CMIP: variants seen among roughly 807,000 people sequenced by gnomAD.
CMIP encodes C-Maf-inducing protein.
CMIP carries 13 observed loss-of-function variants against 97.3 expected under a neutral mutation model. The ratio of observed to expected loss-of-function variants is 0.13; its 90% confidence interval spans 0.09 to 0.21. CMIP has a LOEUF of 0.21. Among genes scored for constraint, CMIP ranks in the 10% least tolerant of loss-of-function variants. The probability of loss-of-function intolerance (pLI) is 1.00; values close to 1 mark genes in which losing one functional copy is unlikely to be tolerated. For synonymous variants in CMIP, 538 were observed against 436.3 expected, an observed-to-expected ratio of 1.23 and a Z score of -2.91; for missense variants, 847 against 1,024.9, an observed-to-expected ratio of 0.83 and a Z score of 2.37.
chr16:81,459,407 G>A (rs765248917), intron 1 of CMIP, among the ~76,000 whole-genome samples: 63 of 152,162 alleles, frequency 4.1e-4, no homozygotes, highest in Non-Finnish European at 6.0e-4. Context: ...ACCTCGCTCC[G>A]TGACCTCAGG....
At chr16:81,610,257 G>A in intron 2 of CMIP, 1 of 959,174 alleles carries the variant, frequency 1.0e-6, no homozygotes, top group Non-Finnish European at 1.2e-6. Context: ...CAGCTGTGAT[G>A]ACTCGCCTGG....
At chr16:81,446,214 C>G (rs1905832532) in intron 1 of CMIP, among the ~76,000 whole-genome samples, 3 of 151,946 alleles carry the variant, frequency 2.0e-5, no homozygotes. Context: ...CTAGAAGCTG[C>G]TTGGTGGAGC....
chr16:81,496,907 C>A (rs1365655372), intron 1 of CMIP, among the ~76,000 whole-genome samples: 2 of 152,280 alleles, frequency 1.3e-5, no homozygotes, highest in Non-Finnish European at 2.9e-5. Context: ...GTGCCCGGGA[C>A]ACCCACCCAC....
At chr16:81,575,560 C>T (rs751980776) in intron 1 of CMIP, among the ~76,000 whole-genome samples, 11 of 152,210 alleles carry the variant, frequency 7.2e-5, no homozygotes, top group Non-Finnish European at 1.5e-4. Context: ...AGAGTAAACA[C>T]AAGGGCCCTG....
At chr16:81,646,248 G>GTGGATGGATGGATGGA (rs142200346) in intron 3 of CMIP, among the ~76,000 whole-genome samples, 7 of 85,916 alleles carry the variant, frequency 8.1e-5, no homozygotes, top group Non-Finnish European at 1.3e-4. Flanking sequence ...GGGCGGGTGG[G>GTGGATGGATGGATGGA]TGGATGGATG....
At chr16:81,650,260 T>C (rs2092412236) in intron 3 of CMIP, among the ~76,000 whole-genome samples, 1 of 152,178 alleles carries the variant, frequency 6.6e-6, no homozygotes, top group African/African-American at 2.4e-5. Flanking sequence ...CCCTGGGGAA[T>C]GCTGGGCTGC....
intron 1 of CMIP, among the ~76,000 whole-genome samples, chr16:81,539,926 T>C (rs2090417391): frequency 1.3e-5 from 2 of 152,212 alleles, no homozygotes; most frequent in African/African-American, 4.8e-5. Flanking sequence ...ACGTGCTCCG[T>C]GTGTACAACT....
chr16:81,610,779 G>A (rs977524299), intron 2 of CMIP, among the ~76,000 whole-genome samples: 10 of 152,168 alleles, frequency 6.6e-5, no homozygotes, highest in Non-Finnish European at 1.3e-4. Flanking sequence ...TGGTACTCAG[G>A]GCTTTCTTCA....
chr16:81,446,967 G>A (rs1232737337), intron 1 of CMIP, among the ~76,000 whole-genome samples: 1 of 151,950 alleles, frequency 6.6e-6, no homozygotes, highest in Non-Finnish European at 1.5e-5. Context: ...TATCTGCAAA[G>A]ACTCCTTTTT....
chr16:81,500,369 C>CCT (rs2089583874), intron 1 of CMIP, among the ~76,000 whole-genome samples: 1 of 120,186 alleles, frequency 8.3e-6, no homozygotes, highest in Non-Finnish European at 1.8e-5. Context: ...CTCCCTTCCT[C>CCT]TCTCCTTTCC....
At chr16:81,673,380 T>C (rs1203596843) in intron 9 of CMIP, among the ~76,000 whole-genome samples, 2 of 152,060 alleles carry the variant, frequency 1.3e-5, no homozygotes, top group African/African-American at 4.8e-5. Context: ...TAGCCGGGCA[T>C]GGTGGTACAT....
intron 1 of CMIP, chr16:81,518,367 T>C (rs2089956148): frequency 6.6e-6 from 1 of 152,248 alleles, no homozygotes; most frequent in African/African-American, 2.4e-5. Flanking sequence ...TGGCCACCAC[T>C]TCATGGTGAA....
chr16:81,648,015 G>T (rs865935756), intron 3 of CMIP, among the ~76,000 whole-genome samples: 5 of 95,208 alleles, frequency 5.3e-5, no homozygotes, highest in Non-Finnish European at 1.0e-4. Context: ...CCCTCCCCCC[G>T]CACCCGCAGA....
chr16:81,495,621 T>G, intron 1 of CMIP: 1 of 970,606 alleles, frequency 1.0e-6, no homozygotes, highest in South Asian at 1.6e-5. Flanking sequence ...CAGGTGTGTC[T>G]GCTAATCTGA....
intron 1 of CMIP, among the ~76,000 whole-genome samples, chr16:81,565,361 T>C (rs1366225159): frequency 6.6e-6 from 1 of 151,908 alleles, no homozygotes; most frequent in Non-Finnish European, 1.5e-5. Flanking sequence ...ACTCCAGGAG[T>C]TGTTGGCAAG....
intron 2 of CMIP, among the ~76,000 whole-genome samples, chr16:81,613,986 C>T (rs925415231): frequency 6.6e-6 from 1 of 152,164 alleles, no homozygotes; most frequent in Admixed American, 6.5e-5. Flanking sequence ...TCCCAGAGCC[C>T]ATAGCCTGCA....
intron 1 of CMIP, among the ~76,000 whole-genome samples, chr16:81,489,691 CTG>C (rs2089375337): frequency 1.3e-5 from 2 of 152,212 alleles, no homozygotes; most frequent in Admixed American, 1.3e-4. Context: ...CCTCCCTTCT[CTG>C]TGAAACGGCA....
intron 1 of CMIP, among the ~76,000 whole-genome samples, chr16:81,477,174 G>T (rs2150752814): frequency 6.6e-6 from 1 of 151,248 alleles, no homozygotes; most frequent in South Asian, 2.1e-4. Context: ...CTTTTTTTTT[G>T]AAATGGAATC....
chr16:81,652,368 A>G lies in CMIP; in HGVS notation c.639+4A>G. The G allele has an allele frequency of 6.2e-7, 1 of 1,611,306 alleles. No individual in the cohort carries two copies. The highest frequency in any genetic ancestry group is 8.5e-7 in the Non-Finnish European group (1 of 1,178,662). ...CGTCTCGAAACTGCTCTCAGAGGTA[A>G]AACCCCTCCCCTGGACCCCTTTACA... On this transcript the variant is annotated splice_donor_region_variant and intron_variant, in intron 4 of 20. Coordinates refer to ENST00000537098, the MANE Select transcript of CMIP (RefSeq NM_198390.3). This position sits in a 1 kb window ranked among gnomAD's most constrained non-coding sequence, Gnocchi z 5.2.
Sources: allele counts gnomAD v4.1 joint callset (sites outside exome capture counted in the v4.1 genomes callset), GRCh38; gene constraint gnomAD v4.1.1; non-coding constraint Gnocchi (gnomAD v3.1); transcripts MANE v1.5; gene names NCBI Gene and HGNC (gene_info 2026-07-23, HGNC 2026-07-21).